C1QTNF3: variants seen among roughly 807,000 people sequenced by gnomAD.
The protein encoded by C1QTNF3 is C1q and TNF related 3, also known as complement C1q tumor necrosis factor-related protein 3.
In C1QTNF3, 26 loss-of-function variants were observed where a neutral mutation model predicts 32.6. That is an observed-to-expected ratio of 0.80 (90% CI 0.58 to 1.11). The LOEUF (loss-of-function observed/expected upper bound fraction) is 1.11, where lower values mean the gene tolerates loss of function less well. C1QTNF3 is among the 50% of genes least tolerant of loss of function. C1QTNF3 has a pLI of 0.00. For synonymous variants in C1QTNF3, 155 were observed against 146.0 expected (o/e 1.06, Z -0.44); for missense variants, 362 against 398.2 (o/e 0.91, Z 0.77).
At chr5:34,043,880 A>C (rs1754934579), upstream of C1QTNF3, 1 of 152,112 alleles carries the variant, frequency 6.6e-6, no homozygotes, top group Non-Finnish European at 1.5e-5. Flanking sequence ...AAGATACAAC[A>C]CCCTGCTTTG....
At chr5:34,090,813 C>T in the C1QTNF3 span, among the ~76,000 whole-genome samples, 751 of 104,044 alleles carry the variant, frequency 7.2e-3, no homozygotes, top group South Asian at 0.015. Context: ...GTTGTGGACC[C>T]TCAATAGACA....
chr5:34,137,168 T>G, the C1QTNF3 span, among the ~76,000 whole-genome samples: 1 of 151,108 alleles, frequency 6.6e-6, no homozygotes, highest in Non-Finnish European at 1.5e-5. Flanking sequence ...AAAAAGTGAC[T>G]TCCCCTAGTA....
At chr5:34,056,329 ATT>A in the C1QTNF3 span, among the ~76,000 whole-genome samples, 1 of 150,974 alleles carries the variant, frequency 6.6e-6, no homozygotes, top group Non-Finnish European at 1.5e-5. Context: ...GCTTGTGCAT[ATT>A]TTAGTTCACC....
the C1QTNF3 span, among the ~76,000 whole-genome samples, chr5:34,196,506 C>T: frequency 6.6e-6 from 1 of 152,274 alleles, no homozygotes; most frequent in Non-Finnish European, 1.5e-5. Flanking sequence ...GACTAAGATA[C>T]CATCCTATAA....
At chr5:34,243,387 T>C in the C1QTNF3 span, among the ~76,000 whole-genome samples, 1 of 152,208 alleles carries the variant, frequency 6.6e-6, no homozygotes, top group Non-Finnish European at 1.5e-5. Flanking sequence ...GTTCAGGTAC[T>C]GTGGAAAGTA....
At chr5:34,073,275 C>T in the C1QTNF3 span, among the ~76,000 whole-genome samples, 2 of 150,312 alleles carry the variant, frequency 1.3e-5, no homozygotes, top group African/African-American at 2.4e-5. Flanking sequence ...TGCAGTGAGC[C>T]GAGATCGCGC....
the C1QTNF3 span, among the ~76,000 whole-genome samples, chr5:34,203,389 T>C: frequency 6.6e-6 from 1 of 152,284 alleles, no homozygotes; most frequent in South Asian, 2.1e-4. Flanking sequence ...TTAAAATATA[T>C]AGATTGATAG....
chr5:34,131,339 C>T, the C1QTNF3 span, among the ~76,000 whole-genome samples: 7 of 151,288 alleles, frequency 4.6e-5, no homozygotes, highest in African/African-American at 1.7e-4. Flanking sequence ...ATTAATAAGA[C>T]AAATTATTAG....
chr5:34,059,432 T>C, the C1QTNF3 span, among the ~76,000 whole-genome samples: 1,862 of 152,134 alleles, frequency 0.012, 41 homozygotes, highest in African/African-American at 0.043. Flanking sequence ...AAGCAACAAG[T>C]ATTTATTTCT....
At chr5:34,058,591 G>A in the C1QTNF3 span, among the ~76,000 whole-genome samples, 1 of 152,176 alleles carries the variant, frequency 6.6e-6, no homozygotes, top group African/African-American at 2.4e-5. Flanking sequence ...AGGCTGGTGA[G>A]AGAGACTTCG....
the C1QTNF3 span, among the ~76,000 whole-genome samples, chr5:34,222,181 A>T: frequency 6.6e-6 from 1 of 152,136 alleles, no homozygotes; most frequent in South Asian, 2.1e-4. Context: ...CTAGAAATAA[A>T]TGTTAACCCA....
the C1QTNF3 span, among the ~76,000 whole-genome samples, chr5:34,115,818 A>G: frequency 2.0e-5 from 3 of 151,674 alleles, no homozygotes; most frequent in African/African-American, 7.3e-5. Flanking sequence ...CTTTTGTTAG[A>G]TATATCTTAG....
At chr5:34,233,909 T>G in the C1QTNF3 span, among the ~76,000 whole-genome samples, 1 of 152,164 alleles carries the variant, frequency 6.6e-6, no homozygotes, top group Non-Finnish European at 1.5e-5. Context: ...TATATGAAAT[T>G]CATTACACAT....
chr5:34,083,856 A>G, the C1QTNF3 span, among the ~76,000 whole-genome samples: 12 of 151,890 alleles, frequency 7.9e-5, no homozygotes, highest in Non-Finnish European at 1.6e-4. Context: ...TACAATACAG[A>G]TGAAGTCATT....
chr5:34,128,434 A>T, the C1QTNF3 span, among the ~76,000 whole-genome samples: 1 of 152,220 alleles, frequency 6.6e-6, no homozygotes, highest in Non-Finnish European at 1.5e-5. Flanking sequence ...CCACAGTCCT[A>T]TAGAACCCAG....
the C1QTNF3 span, among the ~76,000 whole-genome samples, chr5:34,065,142 C>T: frequency 2.0e-5 from 3 of 152,056 alleles, no homozygotes; most frequent in Non-Finnish European, 4.4e-5. Flanking sequence ...ACAGACTGCA[C>T]CCAACGAAGG....
the C1QTNF3 span, among the ~76,000 whole-genome samples, chr5:34,116,724 A>G: frequency 0.086 from 13,058 of 151,222 alleles, 1,485 homozygotes; most frequent in African/African-American, 0.26. Context: ...CCTCCTGAGT[A>G]GCTGGGATTA....
At chr5:34,046,940 T>C (rs149675724), upstream of C1QTNF3, among the ~76,000 whole-genome samples, 695 of 152,318 alleles carry the variant, frequency 4.6e-3, 5 homozygotes, top group African/African-American at 0.016. Flanking sequence ...CCTCCAGTAA[T>C]TTCTCATTAA....
chr5:34,228,452 A>G, the C1QTNF3 span, among the ~76,000 whole-genome samples: 2 of 151,596 alleles, frequency 1.3e-5, no homozygotes, highest in African/African-American at 4.9e-5. Context: ...AAAAGTCAAT[A>G]TCAGGCACAG....
Sources: gnomAD v4.1 joint callset for allele counts (sites outside exome capture counted in the v4.1 genomes callset) on GRCh38, gnomAD v4.1.1 for gene constraint, MANE v1.5 for transcripts, NCBI Gene and HGNC (gene_info 2026-07-23, HGNC 2026-07-21) for gene names.